The following APAF1 variants were observed in gnomAD, a reference collection of about 807,000 sequenced individuals.
APAF1 encodes apoptotic peptidase activating factor 1.
Under a neutral mutation model 152.4 loss-of-function variants are expected in APAF1, and 91 were observed. The ratio of observed to expected loss-of-function variants is 0.60; its 90% confidence interval spans 0.50 to 0.71. The LOEUF is 0.71. Ranked by LOEUF, APAF1 falls within the 30% of genes least tolerant of loss-of-function variation. The pLI, the probability that APAF1 is intolerant of heterozygous loss-of-function variation, is 0.00. For missense variants in APAF1, 1,283 were observed against 1,472.0 expected, an observed-to-expected ratio of 0.87 and a Z score of 2.10; for synonymous variants, 484 against 494.1, an observed-to-expected ratio of 0.98 and a Z score of 0.27.
At chr12:98,655,869 G>C (rs544984046) in intron 4 of APAF1, among the ~76,000 whole-genome samples, 2 of 151,382 alleles carry the variant, frequency 1.3e-5, no homozygotes, top group South Asian at 4.2e-4. Flanking sequence ...CTGCAAGCTC[G>C]GCCTCCCGGG....
intron 5 of APAF1, among the ~76,000 whole-genome samples, chr12:98,659,594 A>C (rs1368435457): frequency 6.6e-6 from 1 of 152,046 alleles, no homozygotes; most frequent in Non-Finnish European, 1.5e-5. Context: ...TCTACTAAAC[A>C]TACAAAATTA....
At position 98,688,645 on chromosome 12, in the gene APAF1, T is replaced by TTC. The variant is rs2097700696; in HGVS notation, c.2304+1773_2304+1774insCT. On this transcript the variant is annotated intron_variant, in intron 16 of 26. Transcript: ENST00000551964. ...GCCATCACACCTGGCGAAATTTTTT[T>TTC]TTTTTTTTTTTTTTTAGAGATAGGA... is the stretch of plus-strand genomic sequence containing the variant. Among the ~76,000 whole-genome samples, 4 of 150,376 alleles carry TTC rather than the reference T, an allele frequency of 2.7e-5. 1 individual carries two copies. The highest frequency in any genetic ancestry group is 9.7e-5 in the African/African-American group (4 of 41,212).
chr12:98,649,403 C>A, intron 3 of APAF1, 84 bp from the exon 4 acceptor site: 1 of 1,504,048 alleles, frequency 6.6e-7, no homozygotes, highest in Non-Finnish European at 9.2e-7. Flanking sequence ...TAAGCCTCAG[C>A]TTTGCTCTTT....
chr12:98,709,540 A>G (rs2097725544), intron 20 of APAF1, among the ~76,000 whole-genome samples: 1 of 152,142 alleles, frequency 6.6e-6, no homozygotes, highest in African/African-American at 2.4e-5. Flanking sequence ...ATTGACAGAG[A>G]TGTCCTGGAA....
In APAF1 at chr12:98,671,857, T is replaced by C. The variant is rs556941382; in HGVS notation, c.1793+138T>C. On this transcript the variant is annotated intron_variant, in intron 12 of 26. Coordinates refer to ENST00000551964, the MANE Select transcript of APAF1 (RefSeq NM_181861.2). ...AACTTTTAATAAGCATTCTTACTTA[T>C]TGAAAAGTTCTAGAGAAGTAAGCAT... 4.1e-4 allele frequency: 329 copies of C among 804,090 alleles called. 5 individuals are homozygous for C. In the South Asian group the frequency reaches 4.4e-3, roughly 11 times the overall value. The allele number at this position is 804,090 out of a possible 1,614,324, so 49.8% of individuals were successfully genotyped here.
In APAF1 at chr12:98,662,422, G is replaced by A. The variant is rs1218001559; in HGVS notation, c.711-34G>A. ...TTTTAAAAGGAAGCTTAAGATAAGT[G>A]TCATTAGTGATTAATATTTTTTTTT... On this transcript the variant is annotated intron_variant, in intron 5 of 26. Coordinates refer to ENST00000551964, the MANE Select transcript of APAF1 (RefSeq NM_181861.2). 2.1e-6 allele frequency: 3 copies of A among 1,437,876 alleles called. No homozygotes were observed. The Admixed American group carries it at 5.0e-5, about 24-fold the overall frequency. The allele number at this position is 1,437,876 out of a possible 1,614,324, so 89.1% of individuals were successfully genotyped here. A position where few individuals can be genotyped will look rare whatever the true frequency, so the allele number is the denominator to read the frequency against.
intron 4 of APAF1, among the ~76,000 whole-genome samples, chr12:98,651,105 A>G (rs1307642271): frequency 6.6e-6 from 1 of 152,232 alleles, no homozygotes; most frequent in African/African-American, 2.4e-5. Context: ...TCCTAGAGAT[A>G]CTGGCAACTG....
At chr12:98,726,568 A>G (rs1395399227) in intron 25 of APAF1, 2 of 153,556 alleles carry the variant, frequency 1.3e-5, no homozygotes, top group Admixed American at 6.5e-5. Context: ...TAAGTAACCA[A>G]CCTTCTCTCT....
intron 4 of APAF1, among the ~76,000 whole-genome samples, chr12:98,650,962 T>C (rs2097648258): frequency 6.6e-6 from 1 of 152,236 alleles, no homozygotes; most frequent in Non-Finnish European, 1.5e-5. Flanking sequence ...TTTAAATTGC[T>C]CTACATTATT....
At position 98,705,785 on chromosome 12, in the gene APAF1, A is replaced by G. The variant is rs182654671; in HGVS notation, c.2596-700A>G. 2.1e-4 allele frequency among the ~76,000 whole-genome samples: 32 copies of G among 152,336 alleles called. No homozygotes were observed. The East Asian group carries it at 5.8e-3, about 28-fold the overall frequency. On this transcript the variant is annotated intron_variant, in intron 18 of 26. Transcript: ENST00000551964. ...TACAGTCAGTTGAAATGAAGGTTAG[A>G]TGACAGTATTAGTGGAAAATAATCT...
intron 16 of APAF1, among the ~76,000 whole-genome samples, chr12:98,694,253 C>CA (rs1182825554): frequency 6.6e-6 from 1 of 152,110 alleles, no homozygotes. Context: ...GCAATTGCTA[C>CA]AAAAACAAAC....
At chr12:98,697,809 G>C (rs1284830192) in intron 16 of APAF1, among the ~76,000 whole-genome samples, 1 of 152,180 alleles carries the variant, frequency 6.6e-6, no homozygotes, top group Non-Finnish European at 1.5e-5. Flanking sequence ...CCTTTTGAGA[G>C]GATGAAAACT....
chr12:98,668,400 A>G (rs1335261518), intron 10 of APAF1, among the ~76,000 whole-genome samples: 2 of 152,212 alleles, frequency 1.3e-5, no homozygotes, highest in East Asian at 1.9e-4. Flanking sequence ...CATTGATTCA[A>G]TAAATATTTA....
At position 98,665,684 on chromosome 12, in the gene APAF1, G is replaced by A. The variant is rs2097671825; in HGVS notation, c.1087G>A (p.Ala363Thr). 6.2e-7 allele frequency: 1 copy of A among 1,613,470 alleles called. No individual in the cohort carries two copies. The highest frequency in any genetic ancestry group is 1.7e-5 in the Admixed American group (1 of 59,976). The change falls in exon 8 of 27, where the codon GCT becomes ACT. Residue 363 changes from alanine to threonine, a missense_variant. By Grantham distance (58) the Ala-to-Thr change is moderately conservative. Coordinates refer to ENST00000551964, the MANE Select transcript of APAF1 (RefSeq NM_181861.2). ...GAAATCTTCGTCTTATGATTATGAG[G>A]CTCTAGATGAAGCCATGTCTATAAG... Reference protein sequence around the residue: ...IRKSSSYDYEALDEAMSISVE... With the variant: ...IRKSSSYDYETLDEAMSISVE...
chr12:98,667,864 G>C (rs922553283), intron 10 of APAF1, among the ~76,000 whole-genome samples: 2 of 138,234 alleles, frequency 1.4e-5, no homozygotes, highest in African/African-American at 5.4e-5. Context: ...CTCACCTCCT[G>C]GGCTCAAGTG....
At chr12:98,686,621 C>T (rs2097698308) in intron 15 of APAF1, 127 bp from the exon 16 acceptor site, 1 of 916,824 alleles carries the variant, frequency 1.1e-6, no homozygotes, top group Admixed American at 2.5e-5. Context: ...GTTTGTGTTA[C>T]TGTGAATTAA....
intron 19 of APAF1, 99 bp downstream of exon 19, chr12:98,706,709 T>C (rs1319737715): frequency 1.5e-6 from 2 of 1,344,052 alleles, no homozygotes; most frequent in Admixed American, 1.7e-5. Context: ...GTAAGCAGAA[T>C]AGGAAACTAG....
rs756319379 is a variant in APAF1 at position 98,662,456 on chromosome 12, G to A, written c.711G>A (p.Arg237=). 7 of 1,604,590 alleles carry A rather than the reference G, an allele frequency of 4.4e-6. No individual in the cohort carries two copies. In the South Asian group the frequency reaches 7.7e-5, roughly 18 times the overall value. The part of the protein sequence containing the change: ...LRILMLRKHP[R]SLLILDDVWD... ...GATTAATATTTTTTTTTTAAATTAG[G>A]TCTCTCTTGATCTTGGATGATGTTT... Residue 237 remains arginine (R), a splice_region_variant and synonymous_variant, in exon 6 of 27, where the codon AGG becomes AGA. Transcript: ENST00000551964.
At chr12:98,671,848 TCTTA>T (rs1299981828) in intron 12 of APAF1, 129 bp downstream of exon 12, 13 of 837,426 alleles carry the variant, frequency 1.6e-5, no homozygotes. Flanking sequence ...TAATAAGCAT[TCTTA>T]CTTATTGAAA....
Sources: gnomAD v4.1 joint callset for allele counts (sites outside exome capture counted in the v4.1 genomes callset) on GRCh38, gnomAD v4.1.1 for gene constraint, MANE v1.5 for transcripts, NCBI Gene and HGNC (gene_info 2026-07-23, HGNC 2026-07-21) for gene names.